The following HEATR5B variants were observed in gnomAD, a reference collection of about 807,000 sequenced individuals.
The protein encoded by HEATR5B is HEAT repeat containing 5B, also known as HEAT repeat-containing protein 5B.
In HEATR5B, 156 loss-of-function variants were observed where a neutral mutation model predicts 224.1. The ratio of observed to expected loss-of-function variants is 0.70; its 90% CI spans 0.61 to 0.80. The LOEUF (loss-of-function observed/expected upper bound fraction) is 0.80. Among genes scored for constraint, HEATR5B ranks in the 30% least tolerant of loss-of-function variants. The pLI, the probability that HEATR5B is intolerant of heterozygous loss-of-function variation, is 0.00. For synonymous variants in HEATR5B, 1,027 were observed against 893.0 expected, an observed-to-expected ratio of 1.15 and a Z score of -2.68; for missense variants, 2,323 against 2,535.5, an observed-to-expected ratio of 0.92 and a Z score of 1.80.
At chr2:37,079,088 C>A in intron 3 of HEATR5B, 32 bp downstream of exon 3, 1 of 1,361,258 alleles carries the variant, frequency 7.3e-7, no homozygotes, top group Non-Finnish European at 1.0e-6. Flanking sequence ...AAAAATAAAA[C>A]TTCAAGGGCC....
At chr2:37,039,232 C>T (rs1016540483) in intron 20 of HEATR5B, among the ~76,000 whole-genome samples, 7 of 151,024 alleles carry the variant, frequency 4.6e-5, no homozygotes, top group Non-Finnish European at 3.0e-5. Context: ...TTTGGGAGGC[C>T]GAGGTGGGTG....
intron 24 of HEATR5B, 24 bp from the exon 25 acceptor site, chr2:37,020,860 A>C (rs1429478887): frequency 7.2e-7 from 1 of 1,381,352 alleles, no homozygotes; most frequent in Non-Finnish European, 9.6e-7. Flanking sequence ...TAGAATGCAA[A>C]AATGAAAACT....
rs553598665 is a variant in HEATR5B at position 37,061,853 on chromosome 2, G to A, written c.1696+86C>T. ...CAACTTCAATGAAAATCCAGAATGTGAAGCTTAACACTTTTAAATTAAATT... is the reference window on the plus strand; with the variant it reads ...CAACTTCAATGAAAATCCAGAATGTAAAGCTTAACACTTTTAAATTAAATT... On this transcript the variant is annotated intron_variant, in intron 11 of 35. Coordinates refer to ENST00000233099, the MANE Select transcript of HEATR5B (RefSeq NM_019024.3). The A allele has an allele frequency of 3.5e-5, 25 of 720,336 alleles. No homozygotes were observed. In the South Asian group the frequency reaches 4.8e-4, roughly 14 times the overall value. 44.6% of individuals were successfully genotyped at this position (720,336 alleles called of 1,614,324 possible).
chr2:37,058,759 TAA>T (rs1348082061), intron 13 of HEATR5B, 127 bp downstream of exon 13: 8 of 699,500 alleles, frequency 1.1e-5, no homozygotes, highest in Non-Finnish European at 1.7e-5. Flanking sequence ...CTGTAATTTT[TAA>T]AGTTATATTA....
intron 7 of HEATR5B, among the ~76,000 whole-genome samples, 158 bp from the exon 8 acceptor site, chr2:37,069,088 C>T (rs1671758646): frequency 6.6e-6 from 1 of 152,182 alleles, no homozygotes; most frequent in African/African-American, 2.4e-5. Flanking sequence ...TTTACTACTT[C>T]TGGAATACGA....
In HEATR5B at chr2:37,060,666, G is replaced by A. The variant is rs576434383; in HGVS notation, c.1764C>T (p.Ser588=). 2.4e-5 allele frequency: 39 copies of A among 1,613,904 alleles called. No individual in the cohort carries two copies. In the African/African-American group the frequency reaches 4.4e-4, roughly 18 times the overall value. ...CCTTCTCAGCTTCCAATTCCTTTAA[G>A]GAACGTGGGAAAACATTTCGCCACA... ...LLLWRNVFPR[S]LKELEAEKAR... is the part of the protein sequence containing the mutation. Residue 588 remains serine, a synonymous_variant, in exon 12 of 36, where the codon TCC becomes TCT. Coordinates refer to ENST00000233099, the MANE Select transcript of HEATR5B (RefSeq NM_019024.3).
chr2:37,008,703 AG>A lies in HEATR5B; in HGVS notation c.4429del (p.Leu1477TyrfsTer9), dbSNP rs762562165. 8.1e-6 allele frequency: 13 copies of A among 1,614,166 alleles called. No individual in the cohort carries two copies. Among genetic ancestry groups the A allele is most frequent in the Non-Finnish European group, 1.1e-5 (13 of 1,180,004 alleles). The part of the protein sequence containing the change: ...DSLITLVQPE[L>X]PTLSRLWLAA... The stretch of plus-strand genomic sequence containing the variant: ...TAACCACAGGCGACTGAGTGTTGGT[AG>A]TTCAGGTTGTACCAGTGTTATTAAA... On this transcript the variant is annotated frameshift_variant, in exon 28 of 36. Coordinates refer to ENST00000233099, the MANE Select transcript of HEATR5B (RefSeq NM_019024.3). LOFTEE classifies it high-confidence loss of function.
chr2:37,009,278 A>AAAG lies in HEATR5B; in HGVS notation c.4285-433_4285-431dup, dbSNP rs1553421033. 2.8e-3 allele frequency among the ~76,000 whole-genome samples: 404 copies of AAAG among 145,270 alleles called. 2 individuals are homozygous for AAAG. Among genetic ancestry groups the AAAG allele is most frequent in the South Asian group, 5.2e-3 (24 of 4,586 alleles). On this transcript the variant is annotated intron_variant, in intron 27 of 35. Coordinates refer to ENST00000233099, the MANE Select transcript of HEATR5B (RefSeq NM_019024.3). ...TCTCAAAAAAAAAAAAAAAAAAAAA[A>AAAG]AAGAAGAAAGTATATACTTTGATCA... is the stretch of plus-strand genomic sequence containing the variant.
In HEATR5B at chr2:37,032,650, C is replaced by A. The variant is rs750981860; in HGVS notation, c.3340G>T (p.Asp1114Tyr). Residue 1114 changes from aspartate (D) to tyrosine (Y), a missense_variant, in exon 22 of 36, where the codon GAC becomes TAC. Coordinates refer to ENST00000233099, the MANE Select transcript of HEATR5B (RefSeq NM_019024.3). ...TTACTGGCACTACTGCTCTCTTTGT[C>A]CCCTGTATTTTTTGCCAGGCTCATG... ...YAMSLAKNTG[D>Y]KESSSANVSP... is the part of the protein sequence containing the mutation. The A allele has an allele frequency of 1.9e-6, 3 of 1,613,688 alleles. No homozygotes were observed. Among genetic ancestry groups the A allele is most frequent in the Admixed American group, 1.7e-5 (1 of 59,916 alleles).
At chr2:37,067,306 G>A (rs546519716) in intron 8 of HEATR5B, among the ~76,000 whole-genome samples, 9 of 152,248 alleles carry the variant, frequency 5.9e-5, no homozygotes, top group African/African-American at 9.6e-5. Flanking sequence ...ACCATTTGAC[G>A]CGGTGTTTCT....
At chr2:37,021,688 G>C (rs1668467916) in intron 24 of HEATR5B, among the ~76,000 whole-genome samples, 1 of 152,006 alleles carries the variant, frequency 6.6e-6, no homozygotes, top group Non-Finnish European at 1.5e-5. Flanking sequence ...AAGAGTTTGA[G>C]ACCAGTCTGG....
chr2:37,028,294 A>C, intron 23 of HEATR5B, 120 bp from the exon 24 acceptor site: 1 of 588,558 alleles, frequency 1.7e-6, no homozygotes, highest in Middle Eastern at 5.2e-4. Flanking sequence ...CTTGCTGGAA[A>C]ACAGTAAAAC....
At chr2:37,073,350 T>C (rs1276513689) in intron 5 of HEATR5B, among the ~76,000 whole-genome samples, 1 of 152,142 alleles carries the variant, frequency 6.6e-6, no homozygotes, top group South Asian at 2.1e-4. Flanking sequence ...AAAAATCAAA[T>C]CATCATCTCA....
chr2:36,986,293 T>C (rs1396995160), intron 35 of HEATR5B, among the ~76,000 whole-genome samples: 6 of 152,204 alleles, frequency 3.9e-5, no homozygotes, highest in Non-Finnish European at 8.8e-5. Flanking sequence ...CTCCAAACAC[T>C]GCCTTTTCTG....
intron 34 of HEATR5B, among the ~76,000 whole-genome samples, chr2:36,989,228 G>A (rs925366631): frequency 6.6e-6 from 1 of 152,062 alleles, no homozygotes; most frequent in Non-Finnish European, 1.5e-5. Context: ...TGGGATTACA[G>A]GTGCGCACCA....
chr2:37,081,095 T>TCTGGGCAATCTGTCATCAGTAATGG (rs1230973877), intron 2 of HEATR5B, among the ~76,000 whole-genome samples: 14 of 152,336 alleles, frequency 9.2e-5, no homozygotes, highest in African/African-American at 3.4e-4. Context: ...TGACCACTGT[T>TCTGGGCAATCTGTCATCAGTAATGG]CTGGGCAATC....
At position 37,053,610 on chromosome 2, in the gene HEATR5B, A is replaced by T; in HGVS notation, c.2400-3T>A. 1 of 1,575,440 alleles carries T rather than the reference A, an allele frequency of 6.3e-7. No individual in the cohort carries two copies. Among genetic ancestry groups the T allele is most frequent in the East Asian group, 2.3e-5 (1 of 44,378 alleles). On this transcript the variant is annotated splice_polypyrimidine_tract_variant and splice_region_variant and intron_variant, in intron 16 of 35. Transcript: ENST00000233099. The stretch of plus-strand genomic sequence containing the variant: ...CAAAGTGATCCAACATTTGTAATCT[A>T]TAACAATAAGAAAAAAAAATCACAT...
At chr2:36,987,369 C>T (rs1002259672) in intron 35 of HEATR5B, among the ~76,000 whole-genome samples, 2 of 148,862 alleles carry the variant, frequency 1.3e-5, no homozygotes, top group African/African-American at 2.5e-5. Context: ...GCGGAGGTTG[C>T]GGTGAGCCAA....
intron 10 of HEATR5B, among the ~76,000 whole-genome samples, chr2:37,064,465 G>T (rs1327230887): frequency 1.3e-5 from 2 of 150,840 alleles, no homozygotes; most frequent in Non-Finnish European, 3.0e-5. Context: ...GTAATGATGG[G>T]GTCTCACTAT....
Sources: gnomAD v4.1 joint callset for allele counts (sites outside exome capture counted in the v4.1 genomes callset) on GRCh38, gnomAD v4.1.1 for gene constraint, MANE v1.5 for transcripts, NCBI Gene and HGNC (gene_info 2026-07-23, HGNC 2026-07-21) for gene names.